NUBPL: variants seen among roughly 807,000 people sequenced by gnomAD.
NUBPL encodes the protein iron-sulfur cluster transfer protein NUBPL.
NUBPL carries 31 observed loss-of-function variants against 45.7 expected under a neutral mutation model. The ratio of observed to expected loss-of-function variants is 0.68; its 90% CI spans 0.51 to 0.92. The LOEUF (loss-of-function observed/expected upper bound fraction) is 0.92. Ranked by LOEUF, NUBPL falls within the 40% of genes least tolerant of loss-of-function variation. The pLI is 0.00. For missense variants in NUBPL, 401 were observed against 398.7 expected (o/e 1.01, Z -0.05); for synonymous variants, 144 against 140.9 (o/e 1.02, Z -0.15).
chr14:31,823,699 T>C (rs2040054134), intron 7 of NUBPL, among the ~76,000 whole-genome samples: 1 of 152,128 alleles, frequency 6.6e-6, no homozygotes. Context: ...GTTTTACAGT[T>C]AAAGAAACTG....
At chr14:31,592,213 T>C (rs931446344) in intron 3 of NUBPL, among the ~76,000 whole-genome samples, 5 of 152,250 alleles carry the variant, frequency 3.3e-5, no homozygotes, top group Middle Eastern at 3.4e-3. Flanking sequence ...TAGTATACCA[T>C]GCAAGGAATA....
intron 6 of NUBPL, among the ~76,000 whole-genome samples, chr14:31,785,251 A>T (rs11845135): frequency 0.051 from 7,766 of 152,244 alleles, 682 homozygotes; most frequent in African/African-American, 0.18. Flanking sequence ...TGGATATCTA[A>T]ATCAGGGACC....
intron 4 of NUBPL, among the ~76,000 whole-genome samples, chr14:31,616,364 G>A (rs1451711133): frequency 2.0e-5 from 3 of 152,214 alleles, no homozygotes; most frequent in Non-Finnish European, 4.4e-5. Context: ...GTCCTGAATG[G>A]TATTGCCTAG....
chr14:31,637,911 G>C (rs150754117), intron 4 of NUBPL, among the ~76,000 whole-genome samples: 1,984 of 152,064 alleles, frequency 0.013, 37 homozygotes, highest in African/African-American at 0.043. Context: ...GGATTGCAAC[G>C]CCTGCCTTTT....
chr14:31,813,729 C>G (rs1363451474), intron 7 of NUBPL, among the ~76,000 whole-genome samples: 1 of 152,056 alleles, frequency 6.6e-6, no homozygotes, highest in Non-Finnish European at 1.5e-5. Context: ...TATTCCATTC[C>G]CTATGTCCAT....
At chr14:31,640,814 G>A (rs543184526) in intron 4 of NUBPL, among the ~76,000 whole-genome samples, 1 of 151,994 alleles carries the variant, frequency 6.6e-6, no homozygotes, top group Non-Finnish European at 1.5e-5. Flanking sequence ...TGGGGACATC[G>A]ATCACCTTAA....
chr14:31,635,146 A>G (rs1240474722), intron 4 of NUBPL, among the ~76,000 whole-genome samples: 3 of 149,750 alleles, frequency 2.0e-5, no homozygotes, highest in East Asian at 2.0e-4. Flanking sequence ...TTGGTGTTTT[A>G]GACATGAAGT....
chr14:31,792,435 G>A (rs528473033), intron 7 of NUBPL, among the ~76,000 whole-genome samples: 2 of 152,118 alleles, frequency 1.3e-5, no homozygotes, highest in South Asian at 4.1e-4. Context: ...TCTTTTAGGA[G>A]TATAGCCCCA....
At chr14:31,681,699 C>T (rs970923385) in intron 6 of NUBPL, among the ~76,000 whole-genome samples, 12 of 151,806 alleles carry the variant, frequency 7.9e-5, no homozygotes, top group African/African-American at 2.4e-4. Context: ...ATCTCTTAGG[C>T]GTTGCTTAAA....
chr14:31,754,026 G>A (rs192866090), intron 6 of NUBPL, among the ~76,000 whole-genome samples: 6 of 152,186 alleles, frequency 3.9e-5, no homozygotes, highest in African/African-American at 1.4e-4. Context: ...TCTTGATATA[G>A]CCATTCCACG....
At chr14:31,651,168 T>C (rs954257118) in intron 4 of NUBPL, among the ~76,000 whole-genome samples, 2 of 152,160 alleles carry the variant, frequency 1.3e-5, no homozygotes, top group Admixed American at 1.3e-4. Flanking sequence ...AGTCTTGCTA[T>C]GTTGCCCATG....
At chr14:31,856,773 C>T (rs764886644) in intron 10 of NUBPL, among the ~76,000 whole-genome samples, 12 of 152,212 alleles carry the variant, frequency 7.9e-5, no homozygotes, top group African/African-American at 1.4e-4. Flanking sequence ...ATCTAGGTCA[C>T]GCTGATGCAA....
chr14:31,577,307 T>G lies in NUBPL; in HGVS notation c.291+12259T>G, dbSNP rs374359431. ...TGAGAGTTTTCCATAACCTCTTAATTGGTCTGTTTAATCTCATCCACCTTG... is the reference window on the plus strand; with the variant it reads ...TGAGAGTTTTCCATAACCTCTTAATGGGTCTGTTTAATCTCATCCACCTTG... On this transcript the variant is annotated intron_variant, in intron 3 of 10. Transcript: ENST00000281081. 6.6e-5 allele frequency among the ~76,000 whole-genome samples: 10 copies of G among 152,362 alleles called. No individual in the cohort carries two copies. In the South Asian group the frequency reaches 1.9e-3, roughly 28 times the overall value.
At chr14:31,843,564 A>G (rs2040408214) in intron 8 of NUBPL, among the ~76,000 whole-genome samples, 2 of 152,218 alleles carry the variant, frequency 1.3e-5, no homozygotes, top group Non-Finnish European at 1.5e-5. Flanking sequence ...AGCACTCATT[A>G]TATAACTCAG....
At position 31,859,102 on chromosome 14, in the gene NUBPL, G is replaced by T. The variant is rs535644409; in HGVS notation, c.898-16G>T. 7 of 1,609,220 alleles carry T rather than the reference G, an allele frequency of 4.3e-6. No individual in the cohort carries two copies. The highest frequency in any genetic ancestry group is 6.0e-6 in the Non-Finnish European group (7 of 1,175,838). ...CTGAAGAGAAATACAGAACAAATAA[G>T]TTTGTTCTTTTCCAGGCCAAAGCTT... On this transcript the variant is annotated splice_polypyrimidine_tract_variant and intron_variant, in intron 10 of 10. Coordinates refer to ENST00000281081, the MANE Select transcript of NUBPL (RefSeq NM_025152.3).
At chr14:31,685,449 G>C (rs995622243) in intron 6 of NUBPL, among the ~76,000 whole-genome samples, 2 of 152,058 alleles carry the variant, frequency 1.3e-5, no homozygotes, top group Non-Finnish European at 2.9e-5. Context: ...GGCTGGGTGA[G>C]GGAAAGGAAA....
intron 10 of NUBPL, among the ~76,000 whole-genome samples, chr14:31,852,408 C>T (rs558716061): frequency 1.4e-4 from 22 of 152,310 alleles, no homozygotes; most frequent in South Asian, 6.2e-4. Context: ...CACGGTGGCT[C>T]ACGCCTGTAA....
intron 6 of NUBPL, among the ~76,000 whole-genome samples, chr14:31,733,723 G>T (rs1396676214): frequency 1.3e-5 from 2 of 152,062 alleles, no homozygotes; most frequent in Non-Finnish European, 2.9e-5. Context: ...TGTCATCTAG[G>T]AATAGGAGAG....
At chr14:31,773,079 T>A (rs571424293) in intron 6 of NUBPL, among the ~76,000 whole-genome samples, 1 of 152,290 alleles carries the variant, frequency 6.6e-6, no homozygotes, top group East Asian at 1.9e-4. Context: ...TCCACAAGTC[T>A]GTAGGCCATC....
Sources: allele counts gnomAD v4.1 joint callset (sites outside exome capture counted in the v4.1 genomes callset), GRCh38; gene constraint gnomAD v4.1.1; transcripts MANE v1.5; gene names NCBI Gene and HGNC (gene_info 2026-07-23, HGNC 2026-07-21).